The following LRFN2 variants were observed in gnomAD, a reference collection of about 807,000 sequenced individuals.
The protein encoded by LRFN2 is leucine-rich repeat and fibronectin type-III domain-containing protein 2.
A neutral mutation model predicts 37.3 loss-of-function variants in LRFN2; 18 were observed. That is an observed-to-expected ratio of 0.48 (90% confidence interval 0.33 to 0.72). The LOEUF is 0.72. Ranked by LOEUF, LRFN2 falls within the 30% of genes least tolerant of loss-of-function variation. The pLI, the probability that LRFN2 is intolerant of heterozygous loss-of-function variation, is 0.02. For missense variants in LRFN2, 1,006 were observed against 1,060.7 expected (o/e 0.95, Z 0.72); for synonymous variants, 556 against 466.6 (o/e 1.19, Z -2.47).
intron 2 of LRFN2, among the ~76,000 whole-genome samples, chr6:40,427,762 C>T (rs1042276991): frequency 6.6e-6 from 1 of 152,220 alleles, no homozygotes; most frequent in Non-Finnish European, 1.5e-5. Context: ...ATATTCACCC[C>T]TTTCCTGTCT....
intron 1 of LRFN2, among the ~76,000 whole-genome samples, chr6:40,494,754 A>G (rs1561878269): frequency 6.6e-6 from 1 of 152,084 alleles, no homozygotes; most frequent in Non-Finnish European, 1.5e-5. Context: ...CAGCCCCATG[A>G]TTGTCATCTC....
chr6:40,400,928 G>A (rs562256164), intron 2 of LRFN2, among the ~76,000 whole-genome samples: 2 of 151,614 alleles, frequency 1.3e-5, no homozygotes, highest in Non-Finnish European at 2.9e-5. Flanking sequence ...CATGTATGTG[G>A]CAATAAGGGG....
At chr6:40,568,684 TTTCCTTCC>T (rs369194708) in intron 1 of LRFN2, among the ~76,000 whole-genome samples, 12,871 of 131,922 alleles carry the variant, frequency 0.098, 678 homozygotes, top group Middle Eastern at 0.17. Context: ...GTCTCCCCCA[TTTCCTTCC>T]TTCCTTCCTT....
chr6:40,403,991 T>C (rs897992772), intron 2 of LRFN2, among the ~76,000 whole-genome samples: 3 of 152,340 alleles, frequency 2.0e-5, no homozygotes, highest in Admixed American at 2.0e-4. Context: ...TCAGGACTTT[T>C]GCACTGGCTG....
chr6:40,577,927 A>G (rs1767327162), intron 1 of LRFN2, among the ~76,000 whole-genome samples: 1 of 151,006 alleles, frequency 6.6e-6, no homozygotes, highest in Non-Finnish European at 1.5e-5. Context: ...GCCCAGGAGG[A>G]TGTCTCTGGC....
rs189347483 is a variant in LRFN2, at chr6:40,540,126, C to G, written c.-19+46815G>C. On this transcript the variant is annotated intron_variant, in intron 1 of 2. Transcript: ENST00000338305. ...GACGTGGGTGTCAATCTCAGCTCTC[C>G]CACTGACTAGCTGTGTAAACTTGGG... Among the ~76,000 whole-genome samples, 33 of 152,272 alleles carry G rather than the reference C, an allele frequency of 2.2e-4. No individual in the cohort carries two copies. In the East Asian group the frequency reaches 5.6e-3, roughly 26 times the overall value.
chr6:40,542,102 C>T (rs1766564289), intron 1 of LRFN2, among the ~76,000 whole-genome samples: 1 of 152,228 alleles, frequency 6.6e-6, no homozygotes, highest in Admixed American at 6.5e-5. Flanking sequence ...CACGCAGACA[C>T]ACGCAAATAC....
intron 1 of LRFN2, among the ~76,000 whole-genome samples, chr6:40,533,935 C>A (rs1766400664): frequency 1.3e-5 from 2 of 152,308 alleles, no homozygotes; most frequent in South Asian, 4.1e-4. Flanking sequence ...GCCAAATTCA[C>A]CGGACACTCG....
intron 1 of LRFN2, among the ~76,000 whole-genome samples, chr6:40,482,598 A>G (rs942835855): frequency 4.6e-5 from 7 of 152,148 alleles, no homozygotes; most frequent in African/African-American, 1.4e-4. Flanking sequence ...TTCTTTTTCA[A>G]AGATGTCCCT....
intron 2 of LRFN2, among the ~76,000 whole-genome samples, chr6:40,398,934 A>G (rs1762670249): frequency 6.6e-6 from 1 of 151,874 alleles, no homozygotes; most frequent in African/African-American, 2.4e-5. Flanking sequence ...GGGCTCTCGA[A>G]TCTGTTCTCC....
intron 1 of LRFN2, among the ~76,000 whole-genome samples, chr6:40,577,037 G>A (rs1444718932): frequency 1.3e-5 from 2 of 149,142 alleles, no homozygotes; most frequent in African/African-American, 5.0e-5. Flanking sequence ...TCTCCCTACT[G>A]GAGGTCCTCA....
chr6:40,392,344 T>A lies in LRFN2; in HGVS notation c.1969A>T (p.Met657Leu), dbSNP rs1762524080. 2 of 1,609,782 alleles carry A rather than the reference T, an allele frequency of 1.2e-6. No individual in the cohort carries two copies. The highest frequency in any genetic ancestry group is 1.1e-5 in the South Asian group (1 of 90,274). Reference protein sequence around the residue: ...PRPKPSLDRLMGAFASLDLKS... With the variant: ...PRPKPSLDRLLGAFASLDLKS... ...AGGTCCAGGGAGGCGAAGGCCCCCATCAGGCGGTCAAGGCTGGGCTTGGGG... is the reference window on the plus strand; with the variant it reads ...AGGTCCAGGGAGGCGAAGGCCCCCAACAGGCGGTCAAGGCTGGGCTTGGGG... The change falls in exon 3 of 3, where the codon ATG becomes TTG. Residue 657 changes from methionine (M) to leucine (L), a missense_variant. Transcript: ENST00000338305. The surrounding 1 kb of genome is among the most constrained non-coding windows in gnomAD (Gnocchi z 4.7).
Position 40,392,373 on chromosome 6 carries a change from G to C in LRFN2, c.1940C>G (p.Pro647Arg), listed in dbSNP as rs776997956. ...GCGGTCAAGGCTGGGCTTGGGGCGCGGGGCGGAGGGTGGGATCCTCCAGGG... is the reference window on the plus strand; with the variant it reads ...GCGGTCAAGGCTGGGCTTGGGGCGCCGGGCGGAGGGTGGGATCCTCCAGGG... Reference protein sequence around the residue: ...RAPWRIPPSAPRPKPSLDRLM... With the variant: ...RAPWRIPPSARRPKPSLDRLM... The change falls in exon 3 of 3, where the codon CCG (proline) becomes CGG (arginine). Residue 647 changes from proline to arginine, a missense_variant. By Grantham distance (103) the Pro-to-Arg change is moderately radical. This residue lies in a region of LRFN2 where 398 missense variants were observed against 327.6 expected (regional missense o/e 1.21). Transcript: ENST00000338305. This position sits in a 1 kb window ranked among gnomAD's most constrained non-coding sequence, Gnocchi z 4.7. 4.3e-5 allele frequency: 68 copies of C among 1,595,750 alleles called. No individual in the cohort carries two copies. Among genetic ancestry groups the C allele is most frequent in the Non-Finnish European group, 4.2e-5 (49 of 1,171,720 alleles).
At chr6:40,462,761 C>A (rs1764373757) in intron 1 of LRFN2, among the ~76,000 whole-genome samples, 1 of 152,098 alleles carries the variant, frequency 6.6e-6, no homozygotes, top group Admixed American at 6.5e-5. Context: ...CAGGAGGTAC[C>A]CAAGGTAACA....
intron 1 of LRFN2, among the ~76,000 whole-genome samples, chr6:40,544,503 G>C (rs1440166013): frequency 6.6e-6 from 1 of 152,154 alleles, no homozygotes; most frequent in Non-Finnish European, 1.5e-5. Context: ...CTGGGTACTT[G>C]AGCGGCCACA....
intron 1 of LRFN2, among the ~76,000 whole-genome samples, chr6:40,444,575 C>T (rs1763921630): frequency 6.6e-6 from 1 of 152,140 alleles, no homozygotes; most frequent in African/African-American, 2.4e-5. Context: ...TCACTTACAA[C>T]CGGATACAGC....
At chr6:40,450,609 G>A (rs190934413) in intron 1 of LRFN2, among the ~76,000 whole-genome samples, 42 of 152,280 alleles carry the variant, frequency 2.8e-4, no homozygotes, top group Non-Finnish European at 5.0e-4. Flanking sequence ...GCTTCATCCC[G>A]TCATGGGCAG....
chr6:40,567,333 G>A (rs1767108261), intron 1 of LRFN2, among the ~76,000 whole-genome samples: 1 of 152,176 alleles, frequency 6.6e-6, no homozygotes. Context: ...AAATCAAAAT[G>A]GCGGACACAG....
At chr6:40,456,867 A>G (rs964158708) in intron 1 of LRFN2, among the ~76,000 whole-genome samples, 14 of 152,180 alleles carry the variant, frequency 9.2e-5, no homozygotes, top group African/African-American at 1.7e-4. Flanking sequence ...AGGCAGCCCA[A>G]CTCCCACTTG....
Sources: gnomAD v4.1 joint callset for allele counts (sites outside exome capture counted in the v4.1 genomes callset) on GRCh38, gnomAD v4.1.1 for gene constraint, gnomAD v4.1.1 regional missense constraint, Gnocchi (gnomAD v3.1) non-coding constraint, MANE v1.5 for transcripts, NCBI Gene and HGNC (gene_info 2026-07-23, HGNC 2026-07-21) for gene names.